Variants in AKAP1 observed in about 807,000 individuals in gnomAD.
AKAP1 encodes the protein A-kinase anchor protein 1, mitochondrial.
Under a neutral mutation model 79.8 loss-of-function variants are expected in AKAP1, and 32 were observed. The ratio of observed to expected loss-of-function variants is 0.40; its 90% confidence interval spans 0.30 to 0.54. AKAP1 has a LOEUF of 0.54. Among genes scored for constraint, AKAP1 ranks in the 20% least tolerant of loss-of-function variants. The probability of loss-of-function intolerance (pLI) is 0.47; values close to 1 mark genes in which losing one functional copy is unlikely to be tolerated. For synonymous variants in AKAP1, 416 were observed against 466.7 expected (o/e 0.89, Z 1.40); for missense variants, 961 against 1,138.9 (o/e 0.84, Z 2.25).
chr17:57,114,472 A>G lies in AKAP1; in HGVS notation c.2117A>G (p.Asp706Gly). 6.2e-7 allele frequency: 1 copy of G among 1,614,058 alleles called. No individual in the cohort carries two copies. Among genetic ancestry groups the G allele is most frequent in the Non-Finnish European group, 8.5e-7 (1 of 1,180,016 alleles). ...TCCCCTCTACAGCTCATGCTGCCTGATGGCATCACCGTGGAGGTCATTGTG... is the reference window on the plus strand; with the variant it reads ...TCCCCTCTACAGCTCATGCTGCCTGGTGGCATCACCGTGGAGGTCATTGTG... The part of the protein sequence containing the change: ...LPMTSWLMLP[D>G]GITVEVIVVN... The change falls in exon 6 of 11, where the codon GAT becomes GGT. Residue 706 changes from aspartate (D) to glycine (G), a missense_variant. Around this residue, in one of 3 missense-constraint regions of AKAP1, gnomAD observed 629 missense variants for 781.1 expected, o/e 0.81. Transcript: ENST00000337714.
At chr17:57,113,594 CTTTTTT>C (rs1036422001) in intron 5 of AKAP1, among the ~76,000 whole-genome samples, 1 of 82,500 alleles carries the variant, frequency 1.2e-5, no homozygotes, top group Non-Finnish European at 2.3e-5. Flanking sequence ...GACTCACTCT[CTTTTTT>C]TTTTTTTTTT....
Position 57,105,503 on chromosome 17 carries a change from G to C in AKAP1, c.39G>C (p.Leu13Phe). The change falls in exon 2 of 11, where the codon TTG becomes TTC. Residue 13 changes from leucine to phenylalanine, a missense_variant. By Grantham distance (22) the Leu-to-Phe change is conservative. Around this residue, in one of 3 missense-constraint regions of AKAP1, gnomAD observed 108 missense variants for 147.6 expected, o/e 0.73. Transcript: ENST00000337714. ...TCCGTTCGCTCTTCCCCTTGGCATT[G>C]CCTGGGATGCTGGCGCTCCTCGGCT... Reference protein sequence around the residue: ...IQFRSLFPLALPGMLALLGWW... With the variant: ...IQFRSLFPLAFPGMLALLGWW... 1 of 1,614,130 alleles carries C rather than the reference G, an allele frequency of 6.2e-7. No individual in the cohort carries two copies. Among genetic ancestry groups the C allele is most frequent in the South Asian group, 1.1e-5 (1 of 91,072 alleles).
At position 57,115,601 on chromosome 17, in the gene AKAP1, A is replaced by T. The variant is rs530093857; in HGVS notation, c.2282-510A>T. ...TGCCCAGGTGCTGTCAGCACCTTCC[A>T]GAGGCAAAGGCTAGAAGAAGGGGGT... is the stretch of plus-strand genomic sequence containing the variant. On this transcript the variant is annotated intron_variant, in intron 6 of 10. Transcript: ENST00000337714. Among the ~76,000 whole-genome samples the T allele has an allele frequency of 8.5e-5, 13 of 152,300 alleles. No homozygotes were observed. The South Asian group carries it at 2.5e-3, about 29-fold the overall frequency.
chr17:57,108,901 C>G (rs562243484), intron 2 of AKAP1, among the ~76,000 whole-genome samples: 3 of 152,224 alleles, frequency 2.0e-5, no homozygotes, highest in South Asian at 2.1e-4. Context: ...TCCCCGCCCC[C>G]TCGCCCAGCC....
chr17:57,116,897 G>T lies in AKAP1; in HGVS notation c.2470G>T (p.Val824Phe), dbSNP rs765380388. The T allele has an allele frequency of 6.2e-7, 1 of 1,614,198 alleles. No individual in the cohort carries two copies. The highest frequency in any genetic ancestry group is 8.5e-7 in the Non-Finnish European group (1 of 1,180,026). ...CACCCTGCCGTTTCAGGGAGCAGAA[G>T]TCCTTCTGGACAGTGTGATGCCCCT... is the stretch of plus-strand genomic sequence containing the variant. ...FVTLPFQGAE[V>F]LLDSVMPLSD... The change falls in exon 8 of 11, where the codon GTC (valine) becomes TTC (phenylalanine). Residue 824 changes from valine to phenylalanine, a missense_variant. By Grantham distance (50) the Val-to-Phe change is conservative. Around this residue, in one of 3 missense-constraint regions of AKAP1, gnomAD observed 629 missense variants for 781.1 expected, o/e 0.81. Coordinates refer to ENST00000337714, the MANE Select transcript of AKAP1 (RefSeq NM_003488.4).
At position 57,120,260 on chromosome 17, in the gene AKAP1, T is replaced by C; in HGVS notation, c.2648T>C (p.Ile883Thr). The C allele has an allele frequency of 6.2e-7, 1 of 1,613,580 alleles. No homozygotes were observed. Among genetic ancestry groups the C allele is most frequent in the Non-Finnish European group, 8.5e-7 (1 of 1,179,774 alleles). Residue 883 changes from isoleucine (I) to threonine (T), a missense_variant, in exon 11 of 11, where the codon ATA (isoleucine) becomes ACA (threonine). Physicochemically the swap from Ile to Thr is moderately conservative, Grantham distance 89. This residue lies in a region of AKAP1 where 629 missense variants were observed against 781.1 expected (regional missense o/e 0.81). Coordinates refer to ENST00000337714, the MANE Select transcript of AKAP1 (RefSeq NM_003488.4). ...AACTTTCTTTTCTAGGTGGTGTTGATAAACCGGTCCCTGGTGGAGCGAGGC... is the reference window on the plus strand; with the variant it reads ...AACTTTCTTTTCTAGGTGGTGTTGACAAACCGGTCCCTGGTGGAGCGAGGC... Reference protein sequence around the residue: ...WSVVGDEVVLINRSLVERGLA... With the variant: ...WSVVGDEVVLTNRSLVERGLA...
intron 2 of AKAP1, among the ~76,000 whole-genome samples, chr17:57,108,663 T>C (rs1915047621): frequency 6.6e-6 from 1 of 152,188 alleles, no homozygotes; most frequent in Non-Finnish European, 1.5e-5. Flanking sequence ...AGCACGAGGT[T>C]AGTGCCTCGC....
chr17:57,086,396 C>G lies in AKAP1; in HGVS notation c.-25+998C>G, dbSNP rs888397520. The G allele has an allele frequency of 2.2e-6, 1 of 455,808 alleles. No homozygotes were observed. Among genetic ancestry groups the G allele is most frequent in the Non-Finnish European group, 4.4e-6 (1 of 226,448 alleles). The allele number at this position is 455,808 out of a possible 1,614,324, so 28.2% of individuals were successfully genotyped here. A position where few individuals can be genotyped will look rare whatever the true frequency, so the allele number is the denominator to read the frequency against. On this transcript the variant is annotated intron_variant, in intron 1 of 10. Transcript: ENST00000337714. The surrounding 1 kb of genome is among the most constrained non-coding windows in gnomAD (Gnocchi z 5.1). Reference sequence around the variant, plus strand: ...AGGGAGGGATAGGAGAAGAAAGGTGCTGATCGTGGTAGGCGGTGCTGTGGC... The same window carrying G: ...AGGGAGGGATAGGAGAAGAAAGGTGGTGATCGTGGTAGGCGGTGCTGTGGC...
intron 2 of AKAP1, chr17:57,107,798 G>A: frequency 2.3e-6 from 1 of 425,708 alleles, no homozygotes; most frequent in Non-Finnish European, 4.6e-6. Flanking sequence ...TTGTTCCCAT[G>A]TCTTCACCTG....
At chr17:57,119,715 A>AAAAAAC (rs536575976) in intron 10 of AKAP1, among the ~76,000 whole-genome samples, 3 of 151,964 alleles carry the variant, frequency 2.0e-5, no homozygotes, top group Admixed American at 1.3e-4. Flanking sequence ...ACTCTGTCTC[A>AAAAAAC]AAAAACAAAA....
At chr17:57,116,292 C>T in intron 7 of AKAP1, 31 bp downstream of exon 7, 1 of 1,612,942 alleles carries the variant, frequency 6.2e-7, no homozygotes, top group Non-Finnish European at 8.5e-7. Flanking sequence ...CAGGCCTACG[C>T]CCTGCTTGTT....
intron 1 of AKAP1, among the ~76,000 whole-genome samples, chr17:57,087,222 C>A (rs1361918144): frequency 6.6e-6 from 1 of 152,192 alleles, no homozygotes; most frequent in Non-Finnish European, 1.5e-5. Context: ...TCAGAACTTG[C>A]AGGTAACAGA....
chr17:57,106,822 A>T lies in AKAP1; in HGVS notation c.1358A>T (p.Asn453Ile), dbSNP rs767738258. 1 of 1,614,144 alleles carries T rather than the reference A, an allele frequency of 6.2e-7. No individual in the cohort carries two copies. Among genetic ancestry groups the T allele is most frequent in the Admixed American group, 1.7e-5 (1 of 60,016 alleles). ...LSSPTKDSKPNISAHHISLAS... is the reference protein window; with the variant it reads ...LSSPTKDSKPIISAHHISLAS... ...AGCCCCACCAAGGACAGTAAGCCAA[A>T]TATCTCTGCACACCACATCTCCCTG... The change falls in exon 2 of 11, where the codon AAT (asparagine) becomes ATT (isoleucine). Residue 453 changes from asparagine to isoleucine, a missense_variant. By Grantham distance (149) the Asn-to-Ile change is moderately radical (BLOSUM62 -3). This residue lies in a region of AKAP1 where 629 missense variants were observed against 781.1 expected (regional missense o/e 0.81). Transcript: ENST00000337714.
At chr17:57,116,977 G>C (rs1597992525) in intron 8 of AKAP1, 50 bp downstream of exon 8, 4 of 1,555,116 alleles carry the variant, frequency 2.6e-6, no homozygotes, top group Non-Finnish European at 1.8e-6. Context: ...CAGTTGTTGA[G>C]AGTAGGTCTT....
At chr17:57,109,123 T>A (rs1298974305) in intron 2 of AKAP1, among the ~76,000 whole-genome samples, 1 of 152,194 alleles carries the variant, frequency 6.6e-6, no homozygotes, top group African/African-American at 2.4e-5. Flanking sequence ...ATACTCAGGG[T>A]TTGGAGAAAC....
chr17:57,086,149 C>A lies in AKAP1; in HGVS notation c.-25+751C>A. 1 of 310,336 alleles carries A rather than the reference C, an allele frequency of 3.2e-6. No homozygotes were observed. The highest frequency in any genetic ancestry group is 6.3e-6 in the Non-Finnish European group (1 of 158,514). 19.2% of individuals were successfully genotyped at this position (310,336 alleles called of 1,614,324 possible). On this transcript the variant is annotated intron_variant, in intron 1 of 10. Transcript: ENST00000337714. This position sits in a 1 kb window ranked among gnomAD's most constrained non-coding sequence, Gnocchi z 5.1. The stretch of plus-strand genomic sequence containing the variant: ...CAGGCGTGTCCGGAGGGGTGGAGGC[C>A]GTCCAGCCTGGGGTGTCTGCCGACC...
At position 57,105,446 on chromosome 17, in the gene AKAP1, A is replaced by G. The variant is rs1213813581; in HGVS notation, c.-19A>G. The G allele has an allele frequency of 1.9e-6, 3 of 1,586,812 alleles. No individual in the cohort carries two copies. The highest frequency in any genetic ancestry group is 2.6e-6 in the Non-Finnish European group (3 of 1,167,574). Reference sequence around the variant, plus strand: ...CGCTCTCCTGCTCTCCCCAGGTGTAATTACTTCAAGCCTCCAGGATGGCAA... The same window carrying G: ...CGCTCTCCTGCTCTCCCCAGGTGTAGTTACTTCAAGCCTCCAGGATGGCAA... On this transcript the variant is annotated 5_prime_UTR_variant, in exon 2 of 11. An upstream open reading frame in the 5' UTR loses its in-frame stop. Transcript: ENST00000337714.
chr17:57,116,740 C>T (rs181455849), intron 7 of AKAP1, 120 bp from the exon 8 acceptor site: 9 of 978,728 alleles, frequency 9.2e-6, no homozygotes, highest in African/African-American at 1.6e-5. Flanking sequence ...CTGCAAAGTA[C>T]GAACCCTCTG....
At chr17:57,091,709 G>T in intron 1 of AKAP1, among the ~76,000 whole-genome samples, 1 of 139,132 alleles carries the variant, frequency 7.2e-6, no homozygotes. Flanking sequence ...TTTATTTAGA[G>T]ATGAGGTCTT....
Sources: allele counts gnomAD v4.1 joint callset (sites outside exome capture counted in the v4.1 genomes callset), GRCh38; gene constraint gnomAD v4.1.1; regional missense constraint gnomAD v4.1.1; non-coding constraint Gnocchi (gnomAD v3.1); transcripts MANE v1.5; gene names NCBI Gene and HGNC (gene_info 2026-07-23, HGNC 2026-07-21).